Variants in VPS35 observed in about 807,000 individuals in gnomAD.
The protein encoded by VPS35 is vacuolar protein sorting-associated protein 35.
A neutral mutation model predicts 98.1 loss-of-function variants in VPS35; 21 were observed. That is an observed-to-expected ratio of 0.21 (90% CI 0.15 to 0.31). The LOEUF (loss-of-function observed/expected upper bound fraction) is 0.31, where lower values mean the gene tolerates loss of function less well. Ranked by LOEUF, VPS35 falls within the 10% of genes least tolerant of loss-of-function variation. VPS35 has a pLI of 1.00. For missense variants in VPS35, 554 were observed against 950.8 expected, an observed-to-expected ratio of 0.58 and a Z score of 5.49; for synonymous variants, 268 against 318.2, an observed-to-expected ratio of 0.84 and a Z score of 1.68.
chr16:46,660,761 GTAAT>G, intron 16 of VPS35, 110 bp from the exon 17 acceptor site: 1 of 599,154 alleles, frequency 1.7e-6, no homozygotes, highest in African/African-American at 2.1e-5. Flanking sequence ...AATTACCTGA[GTAAT>G]TATGAAAAAA....
intron 16 of VPS35, chr16:46,660,903 T>C (rs2143005660): frequency 8.3e-6 from 4 of 480,758 alleles, no homozygotes; most frequent in East Asian, 1.0e-4. Flanking sequence ...CCCAGCACTT[T>C]GGGAGGCTGA....
chr16:46,662,094 G>A (rs1965922160), intron 15 of VPS35, 149 bp downstream of exon 15: 1 of 1,440,396 alleles, frequency 6.9e-7, no homozygotes, highest in Non-Finnish European at 9.5e-7. Context: ...TTCACTACAG[G>A]ATGAGACTCT....
rs771319720 is a variant in VPS35, at chr16:46,689,008, G to A, written c.3+123C>T. The A allele has an allele frequency of 4.6e-5, 71 of 1,549,092 alleles. 1 individual carries two copies. In the Admixed American group the frequency reaches 1.2e-3, roughly 27 times the overall value. ...TCCCCTATCCCGCAGGCCAAATCGG[G>A]CTGGTCTTAATCCCGAACGGTCTGT... On this transcript the variant is annotated intron_variant, in intron 1 of 16. Transcript: ENST00000299138.
At chr16:46,663,971 A>G (rs1354118553) in intron 13 of VPS35, among the ~76,000 whole-genome samples, 1 of 144,920 alleles carries the variant, frequency 6.9e-6, no homozygotes, top group Non-Finnish European at 1.5e-5. Context: ...TCAGCCTCCC[A>G]AAGTGTTGGG....
intron 1 of VPS35, among the ~76,000 whole-genome samples, chr16:46,687,331 T>C (rs2143009567): frequency 6.6e-6 from 1 of 152,050 alleles, no homozygotes. Flanking sequence ...CATGACAACT[T>C]CAAAATATAA....
intron 1 of VPS35, chr16:46,688,240 A>C (rs750213007): frequency 9.1e-6 from 8 of 875,828 alleles, no homozygotes; most frequent in Non-Finnish European, 1.1e-5. Context: ...GCGGACATAC[A>C]GTATATACTC....
intron 10 of VPS35, among the ~76,000 whole-genome samples, chr16:46,672,990 G>A (rs1284242281): frequency 6.6e-6 from 1 of 152,136 alleles, no homozygotes; most frequent in African/African-American, 2.4e-5. Context: ...TCATTCTGTA[G>A]ATATTGAGGC....
At chr16:46,662,865 T>C in intron 14 of VPS35, 118 bp downstream of exon 14, 3 of 1,104,124 alleles carry the variant, frequency 2.7e-6, no homozygotes, top group Admixed American at 1.9e-5. Flanking sequence ...GGTGGGAAGG[T>C]GGTAGTTACA....
intron 5 of VPS35, among the ~76,000 whole-genome samples, chr16:46,679,661 T>C (rs1019398887): frequency 6.6e-6 from 1 of 152,254 alleles, no homozygotes; most frequent in Non-Finnish European, 1.5e-5. Flanking sequence ...TTAATTGGAA[T>C]GTAAGCTTTG....
intron 12 of VPS35, among the ~76,000 whole-genome samples, chr16:46,671,477 C>CTT (rs899525396): frequency 6.8e-6 from 1 of 147,450 alleles, no homozygotes; most frequent in African/African-American, 2.5e-5. Flanking sequence ...TGCCATGAAT[C>CTT]TTTTTTTTTT....
intron 1 of VPS35, chr16:46,688,461 G>T: frequency 2.0e-6 from 2 of 987,246 alleles, no homozygotes; most frequent in Non-Finnish European, 1.2e-6. Flanking sequence ...TTTATCAATG[G>T]CGAGACAAAA....
At position 46,672,492 on chromosome 16, in the gene VPS35, A is replaced by G; in HGVS notation, c.1161-20T>C. The G allele has an allele frequency of 1.9e-6, 3 of 1,596,934 alleles. No individual in the cohort carries two copies. Among genetic ancestry groups the G allele is most frequent in the Non-Finnish European group, 2.6e-6 (3 of 1,166,682 alleles). On this transcript the variant is annotated intron_variant, in intron 10 of 16. Transcript: ENST00000299138. ...GCAATACTACAAAAAGAAAAACAGA[A>G]GTCTTAATGAATAAAATTAACTTTC...
chr16:46,671,590 T>G, intron 12 of VPS35, 115 bp downstream of exon 12: 1 of 1,423,124 alleles, frequency 7.0e-7, no homozygotes. Context: ...TTTAATTCAG[T>G]TGCAATTCCT....
chr16:46,683,315 A>G (rs1966261089), intron 2 of VPS35, 193 bp downstream of exon 2: 1 of 623,540 alleles, frequency 1.6e-6, no homozygotes, highest in South Asian at 1.9e-5. Context: ...CAAACCATAA[A>G]TATACATGTG....
At position 46,657,303 on chromosome 16, in the gene VPS35, A is replaced by G. The variant is rs1965851323; in HGVS notation, c.*3169T>C. ...GATTTCTCTACCTTTCATTTACAAT[A>G]TGCAGTCTGGAATTCCCATTGTCAA... On this transcript the variant is annotated 3_prime_UTR_variant, in exon 17 of 17. Transcript: ENST00000299138. 6.6e-6 allele frequency: 1 copy of G among 152,204 alleles called. No individual in the cohort carries two copies. The highest frequency in any genetic ancestry group is 2.4e-5 in the African/African-American group (1 of 41,440). The allele number at this position is 152,204 out of a possible 1,614,324, so 9.4% of individuals were successfully genotyped here.
Position 46,662,234 on chromosome 16 carries a change from T to C in VPS35, c.2067+9A>G, listed in dbSNP as rs371077269. The stretch of plus-strand genomic sequence containing the variant: ...CTGTCTGCTATCATGCAGTCAGGAA[T>C]GACCTTACCTCCTCCCCATTTTTGT... On this transcript the variant is annotated intron_variant, in intron 15 of 16. Coordinates refer to ENST00000299138, the MANE Select transcript of VPS35 (RefSeq NM_018206.6). 13 of 1,614,040 alleles carry C rather than the reference T, an allele frequency of 8.1e-6. No individual in the cohort carries two copies. The highest frequency in any genetic ancestry group is 1.0e-5 in the Non-Finnish European group (12 of 1,180,034).
At chr16:46,662,131 G>C in intron 15 of VPS35, 112 bp downstream of exon 15, 1 of 1,578,636 alleles carries the variant, frequency 6.3e-7, no homozygotes, top group Non-Finnish European at 8.7e-7. Context: ...AAGCAATTTT[G>C]TTCATCAGAT....
chr16:46,666,543 C>T (rs1216216912), intron 13 of VPS35, among the ~76,000 whole-genome samples: 2 of 152,216 alleles, frequency 1.3e-5, no homozygotes, highest in Admixed American at 1.3e-4. Context: ...GCTGCGATTA[C>T]AGGCGTGAGC....
At chr16:46,663,698 G>T (rs1965946202) in intron 13 of VPS35, among the ~76,000 whole-genome samples, 1 of 147,578 alleles carries the variant, frequency 6.8e-6, no homozygotes, top group Non-Finnish European at 1.5e-5. Context: ...CACTCAACCT[G>T]TTTTTTCTTT....
Sources: allele counts gnomAD v4.1 joint callset (sites outside exome capture counted in the v4.1 genomes callset), GRCh38; gene constraint gnomAD v4.1.1; transcripts MANE v1.5; gene names NCBI Gene and HGNC (gene_info 2026-07-23, HGNC 2026-07-21).